Variants in CDYL observed in about 807,000 individuals in gnomAD.
CDYL encodes chromodomain Y-like protein.
A neutral mutation model predicts 47.3 loss-of-function variants in CDYL; 8 were observed. The ratio of observed to expected loss-of-function variants is 0.17; its 90% CI spans 0.10 to 0.31. CDYL has a LOEUF of 0.31. CDYL is among the 10% of genes least tolerant of loss of function. CDYL has a pLI of 1.00. For missense variants in CDYL, 471 were observed against 701.4 expected, an observed-to-expected ratio of 0.67 and a Z score of 3.71; for synonymous variants, 266 against 265.0, an observed-to-expected ratio of 1.00 and a Z score of -0.04.
At chr6:4,867,946 A>T (rs1761367917) in intron 1 of CDYL, among the ~76,000 whole-genome samples, 1 of 151,806 alleles carries the variant, frequency 6.6e-6, no homozygotes, top group Admixed American at 6.6e-5. Flanking sequence ...AGGTGTAGGT[A>T]GTGATGTCTC....
At chr6:4,885,372 C>T (rs368050415) in intron 1 of CDYL, among the ~76,000 whole-genome samples, 15 of 152,154 alleles carry the variant, frequency 9.9e-5, no homozygotes, top group East Asian at 3.8e-4. Flanking sequence ...TTGCCCAGGA[C>T]GTGAATTGTT....
At chr6:4,736,470 C>T (rs1023070699) in intron 3 of CDYL, among the ~76,000 whole-genome samples, 3 of 152,144 alleles carry the variant, frequency 2.0e-5, no homozygotes, top group Non-Finnish European at 4.4e-5. Context: ...ACAAAGAACC[C>T]TTGCACTAGA....
chr6:4,933,929 G>A (rs533661411), intron 2 of CDYL, among the ~76,000 whole-genome samples: 4 of 152,332 alleles, frequency 2.6e-5, no homozygotes, highest in South Asian at 2.1e-4. Flanking sequence ...CTTGGGCCTC[G>A]CCTGCCACGC....
chr6:4,951,834 T>C (rs911249307), intron 5 of CDYL, among the ~76,000 whole-genome samples: 22 of 152,190 alleles, frequency 1.4e-4, no homozygotes, highest in African/African-American at 5.3e-4. Context: ...ACTTTGCATA[T>C]GCTGATTTTC....
intron 5 of CDYL, among the ~76,000 whole-genome samples, chr6:4,948,132 C>T (rs1447268127): frequency 1.3e-5 from 2 of 152,198 alleles, no homozygotes; most frequent in African/African-American, 4.8e-5. Context: ...AAAGAATCCT[C>T]ATCCTCTGGA....
At chr6:4,720,738 GA>G (rs1561822186) in intron 2 of CDYL, among the ~76,000 whole-genome samples, 1 of 152,190 alleles carries the variant, frequency 6.6e-6, no homozygotes, top group Non-Finnish European at 1.5e-5. Flanking sequence ...GATAACATTT[GA>G]AATTCTGGCT....
intron 1 of CDYL, among the ~76,000 whole-genome samples, chr6:4,817,555 T>C (rs1483552932): frequency 6.6e-6 from 1 of 152,192 alleles, no homozygotes; most frequent in Non-Finnish European, 1.5e-5. Flanking sequence ...CACTAGAAGG[T>C]AAGTGATGTG....
chr6:4,886,807 C>T (rs546174198), intron 1 of CDYL, among the ~76,000 whole-genome samples: 6 of 152,088 alleles, frequency 3.9e-5, no homozygotes, highest in Non-Finnish European at 5.9e-5. Context: ...CAAATTACAC[C>T]GCTATATTCT....
intron 1 of CDYL, chr6:4,836,175 C>CA (rs1760300251): frequency 2.5e-6 from 1 of 397,540 alleles, no homozygotes; most frequent in Admixed American, 6.4e-5. Flanking sequence ...CTGCGTCGCT[C>CA]ACGCTGGGAG....
chr6:4,770,426 T>C (rs1484864824), intron 3 of CDYL, among the ~76,000 whole-genome samples: 1 of 152,264 alleles, frequency 6.6e-6, no homozygotes, highest in Non-Finnish European at 1.5e-5. Flanking sequence ...CGGTTCTTTG[T>C]AAATGTTAGC....
chr6:4,840,522 T>C (rs1372570904), intron 1 of CDYL, among the ~76,000 whole-genome samples: 2 of 152,192 alleles, frequency 1.3e-5, no homozygotes, highest in Non-Finnish European at 2.9e-5. Flanking sequence ...CATTCAGTGT[T>C]ATGTTGGCTT....
chr6:4,939,053 T>G (rs1038698062), intron 4 of CDYL, among the ~76,000 whole-genome samples: 1 of 152,190 alleles, frequency 6.6e-6, no homozygotes, highest in East Asian at 1.9e-4. Flanking sequence ...ATAAACCCTT[T>G]GTGCTTGCCT....
At chr6:4,820,180 G>A (rs1759795257) in intron 1 of CDYL, among the ~76,000 whole-genome samples, 1 of 152,196 alleles carries the variant, frequency 6.6e-6, no homozygotes, top group Non-Finnish European at 1.5e-5. Flanking sequence ...TTCCCCAAAA[G>A]TGCATAAATG....
chr6:4,787,220 C>T (rs1444098380), intron 1 of CDYL, among the ~76,000 whole-genome samples: 1 of 144,566 alleles, frequency 6.9e-6, no homozygotes, highest in African/African-American at 2.6e-5. Flanking sequence ...TTATTAGCAC[C>T]TTTAGGGATG....
At chr6:4,936,831 G>A (rs752225764) in intron 3 of CDYL, among the ~76,000 whole-genome samples, 20 of 151,374 alleles carry the variant, frequency 1.3e-4, no homozygotes, top group Middle Eastern at 3.4e-3. Flanking sequence ...TCTAAGAGCC[G>A]CAATTTGCCT....
chr6:4,905,611 A>G (rs1346191787), intron 2 of CDYL, among the ~76,000 whole-genome samples: 1 of 152,218 alleles, frequency 6.6e-6, no homozygotes, highest in Non-Finnish European at 1.5e-5. Context: ...GAATTACACC[A>G]GTGAAGCCGT....
chr6:4,709,057 AAC>A (rs1582264779), intron 1 of CDYL, among the ~76,000 whole-genome samples: 2 of 152,254 alleles, frequency 1.3e-5, no homozygotes, highest in East Asian at 1.9e-4. Context: ...TTTTTTAGTT[AAC>A]AGTTTTAAAA....
chr6:4,805,868 C>G (rs1192332813), intron 1 of CDYL, among the ~76,000 whole-genome samples: 1 of 152,218 alleles, frequency 6.6e-6, no homozygotes, highest in Non-Finnish European at 1.5e-5. Context: ...GAAACACCCC[C>G]ACAGACAAAC....
intron 2 of CDYL, among the ~76,000 whole-genome samples, chr6:4,900,022 A>G (rs1040823777): frequency 1.3e-5 from 2 of 152,246 alleles, no homozygotes; most frequent in Admixed American, 1.3e-4. Context: ...TGTTGTAAAC[A>G]GAATGTGTAA....
Sources: gnomAD v4.1 joint callset for allele counts (sites outside exome capture counted in the v4.1 genomes callset) on GRCh38, gnomAD v4.1.1 for gene constraint, MANE v1.5 for transcripts, NCBI Gene and HGNC (gene_info 2026-07-23, HGNC 2026-07-21) for gene names.